Variants in ENOX2 observed in about 807,000 individuals in gnomAD.
The protein encoded by ENOX2 is APK1 antigen.
Under a neutral mutation model 45.0 loss-of-function variants are expected in ENOX2, and 36 were observed. That is an observed-to-expected ratio of 0.80 (90% CI 0.61 to 1.06). The LOEUF (loss-of-function observed/expected upper bound fraction) is 1.06. Among genes scored for constraint, ENOX2 ranks in the 50% least tolerant of loss-of-function variants. The probability of loss-of-function intolerance (pLI) is 0.00; values close to 1 mark genes in which losing one functional copy is unlikely to be tolerated. For synonymous variants in ENOX2, 174 were observed against 152.3 expected (o/e 1.14, Z -1.05); for missense variants, 423 against 462.5 (o/e 0.91, Z 0.78).
chrX:130,632,506 A>G (rs779032253), intron 12 of ENOX2, among the ~76,000 whole-genome samples: 28 of 110,613 alleles, frequency 2.5e-4, no homozygotes, highest in Non-Finnish European at 4.5e-4. Context: ...ATAAATGTGA[A>G]GGCAAAGCTT....
chrX:130,881,560 C>A (rs141138617), intron 2 of ENOX2, among the ~76,000 whole-genome samples: 1,147 of 111,634 alleles, frequency 0.01, 8 homozygotes, highest in South Asian at 0.023. Flanking sequence ...ATTCCTAAAC[C>A]ACATTTTGAG....
chrX:130,667,453 C>T, intron 8 of ENOX2, 77 bp downstream of exon 8: 1 of 927,496 alleles, frequency 1.1e-6, no homozygotes, highest in Non-Finnish European at 1.6e-6. Flanking sequence ...GCTCTGGAGG[C>T]CTGAGCTCCC....
chrX:130,872,159 GAA>G, intron 2 of ENOX2, among the ~76,000 whole-genome samples: 1 of 111,903 alleles, frequency 8.9e-6, no homozygotes, highest in Non-Finnish European at 1.9e-5. Flanking sequence ...GCTAATACTA[GAA>G]ACCATCTGAC....
chrX:130,643,476 A>T (rs139895869), intron 10 of ENOX2, among the ~76,000 whole-genome samples: 1,465 of 111,812 alleles, frequency 0.013, 22 homozygotes, highest in African/African-American at 0.045. Context: ...GCATATAGAT[A>T]AAAAGGAAAA....
intron 4 of ENOX2, among the ~76,000 whole-genome samples, chrX:130,694,697 G>A (rs2037708176): frequency 9.4e-6 from 1 of 106,522 alleles, no homozygotes; most frequent in Non-Finnish European, 1.9e-5. Context: ...CTGCCTCCCG[G>A]GTTCAAGCGA....
At chrX:130,791,052 G>A (rs2077034615) in intron 2 of ENOX2, among the ~76,000 whole-genome samples, 1 of 111,772 alleles carries the variant, frequency 8.9e-6, no homozygotes, top group African/African-American at 3.3e-5. Context: ...GGTAACTCCT[G>A]GGCTCAAGCT....
At chrX:130,700,512 T>TTGAA (rs1223894661) in intron 4 of ENOX2, among the ~76,000 whole-genome samples, 2 of 112,059 alleles carry the variant, frequency 1.8e-5, no homozygotes, top group African/African-American at 6.5e-5. Context: ...AAACGTCTGG[T>TTGAA]TGAAGCTGGA....
chrX:130,707,985 A>G (rs1170564908), intron 3 of ENOX2, among the ~76,000 whole-genome samples: 1 of 112,086 alleles, frequency 8.9e-6, no homozygotes, highest in East Asian at 2.8e-4. Flanking sequence ...GCAGTATTGC[A>G]GATGTTGAGG....
At chrX:130,691,179 G>C (rs976735961) in intron 4 of ENOX2, among the ~76,000 whole-genome samples, 1 of 110,074 alleles carries the variant, frequency 9.1e-6, no homozygotes, top group Non-Finnish European at 1.9e-5. Flanking sequence ...TGGTAAAAGT[G>C]GGGGGTTAAT....
chrX:130,867,541 T>C (rs2078509813), intron 2 of ENOX2, among the ~76,000 whole-genome samples: 1 of 112,000 alleles, frequency 8.9e-6, no homozygotes, highest in Non-Finnish European at 1.9e-5. Context: ...CACTGAGTTA[T>C]GCAAATCTTC....
At chrX:130,892,754 G>A (rs2079003564) in intron 2 of ENOX2, among the ~76,000 whole-genome samples, 1 of 112,687 alleles carries the variant, frequency 8.9e-6, no homozygotes, top group Non-Finnish European at 1.9e-5. Context: ...AGTAAATGCA[G>A]GTATAATGCA....
chrX:130,661,193 CTT>C (rs775328883), intron 9 of ENOX2, among the ~76,000 whole-genome samples: 8 of 95,923 alleles, frequency 8.3e-5, no homozygotes, highest in Admixed American at 1.1e-4. Context: ...GCCAGAGTTT[CTT>C]TTTTTTTTTT....
Position 130,703,162 on chromosome X carries a change from C to T in ENOX2, c.55G>A (p.Gly19Arg), listed in dbSNP as rs941112964. The change falls in exon 4 of 15, where the codon GGA becomes AGA. Residue 19 changes from glycine (G) to arginine (R), a missense_variant. Coordinates refer to ENST00000394363, the MANE Select transcript of ENOX2 (RefSeq NM_006375.4). ...CCGGCAATTCCCAGCGGTGCCATTCCAAGATTATTCATTGCTGTGGCCCAT... is the reference window on the plus strand; with the variant it reads ...CCGGCAATTCCCAGCGGTGCCATTCTAAGATTATTCATTGCTGTGGCCCAT... Reference protein sequence around the residue: ...TAWATAMNNLGMAPLGIAGQP... With the variant: ...TAWATAMNNLRMAPLGIAGQP... The T allele has an allele frequency of 8.3e-7, 1 of 1,206,576 alleles. No homozygotes were observed. The highest frequency in any genetic ancestry group is 2.2e-5 in the Admixed American group (1 of 45,541).
intron 3 of ENOX2, among the ~76,000 whole-genome samples, chrX:130,769,479 T>G (rs1301807063): frequency 8.9e-6 from 1 of 112,340 alleles, no homozygotes; most frequent in Admixed American, 9.4e-5. Context: ...GCAGTGGTAC[T>G]GATTAAATGA....
chrX:130,750,378 G>A (rs1025054591), intron 3 of ENOX2, among the ~76,000 whole-genome samples: 2 of 110,923 alleles, frequency 1.8e-5, no homozygotes, highest in African/African-American at 3.3e-5. Context: ...CTGTCTGTCT[G>A]TACTCTGGTT....
intron 10 of ENOX2, among the ~76,000 whole-genome samples, chrX:130,641,122 G>A (rs1156779352): frequency 2.7e-5 from 3 of 111,309 alleles, no homozygotes; most frequent in Admixed American, 9.5e-5. Context: ...AGGAAGTTCA[G>A]AGAACACGAG....
At chrX:130,750,884 A>G (rs759765997) in intron 3 of ENOX2, among the ~76,000 whole-genome samples, 11 of 110,052 alleles carry the variant, frequency 1.0e-4, no homozygotes, top group Admixed American at 9.7e-4. Flanking sequence ...TTTTGACTCT[A>G]TTCGTACCTC....
intron 2 of ENOX2, among the ~76,000 whole-genome samples, chrX:130,884,598 T>C (rs1200768634): frequency 3.6e-5 from 4 of 111,917 alleles, no homozygotes; most frequent in Non-Finnish European, 5.6e-5. Context: ...TTTGATGAAT[T>C]GATAATGTGG....
Position 130,625,408 on chromosome X carries a change from A to C in ENOX2, c.1652T>G (p.Leu551Arg). The change falls in exon 15 of 15, where the codon CTC (leucine) becomes CGC (arginine). Residue 551 changes from leucine (L) to arginine (R), a missense_variant. By Grantham distance (102) the Leu-to-Arg change is moderately radical. Around this residue, in one of 5 missense-constraint regions of ENOX2, gnomAD observed 34 missense variants for 31.3 expected, o/e 1.09. Coordinates refer to ENST00000394363, the MANE Select transcript of ENOX2 (RefSeq NM_006375.4). ...CATTTCCTGCTTGAAGGTATGCTGG[A>C]GTCTACCCATGAGACACTCCACATC... is the stretch of plus-strand genomic sequence containing the variant. ...TSDVECLMGR[L>R]QHTFKQEMTG... 1 of 1,209,927 alleles carries C rather than the reference A, an allele frequency of 8.3e-7. No homozygotes were observed. The highest frequency in any genetic ancestry group is 1.1e-6 in the Non-Finnish European group (1 of 894,121).
Sources: allele counts gnomAD v4.1 joint callset (sites outside exome capture counted in the v4.1 genomes callset), GRCh38; gene constraint gnomAD v4.1.1; regional missense constraint gnomAD v4.1.1; transcripts MANE v1.5; gene names NCBI Gene and HGNC (gene_info 2026-07-23, HGNC 2026-07-21).